Variants in CSTF3 observed in about 807,000 individuals in gnomAD.
CSTF3 encodes the protein CF-1 77 kDa subunit.
CSTF3 carries 29 observed loss-of-function variants against 105.8 expected under a neutral mutation model. That is an observed-to-expected ratio of 0.27 (90% CI 0.20 to 0.37). CSTF3 has a LOEUF of 0.37. CSTF3 is among the 10% of genes least tolerant of loss of function. The probability of loss-of-function intolerance (pLI) is 1.00; values close to 1 mark genes in which losing one functional copy is unlikely to be tolerated. For missense variants in CSTF3, 357 were observed against 879.3 expected (o/e 0.41, Z 7.51); for synonymous variants, 252 against 281.9 (o/e 0.89, Z 1.06).
chr11:33,097,769 C>T (rs1392601789), intron 13 of CSTF3, among the ~76,000 whole-genome samples: 1 of 152,150 alleles, frequency 6.6e-6, no homozygotes, highest in Non-Finnish European at 1.5e-5. Context: ...AAACTATGAG[C>T]CATTTTATAC....
At chr11:33,160,351 A>G (rs919798986) in intron 1 of CSTF3, among the ~76,000 whole-genome samples, 3 of 152,198 alleles carry the variant, frequency 2.0e-5, no homozygotes, top group Non-Finnish European at 4.4e-5. Flanking sequence ...CTTCCACGTT[A>G]TAAGCTAGGG....
intron 1 of CSTF3, among the ~76,000 whole-genome samples, chr11:33,152,439 A>G (rs1849797077): frequency 6.6e-6 from 1 of 152,060 alleles, no homozygotes; most frequent in African/African-American, 2.4e-5. Context: ...GGGTTTTTTC[A>G]TTAATGAATT....
chr11:33,158,602 C>A lies in CSTF3; in HGVS notation c.27+2697G>T, dbSNP rs566427240. On this transcript the variant is annotated intron_variant, in intron 1 of 20. Transcript: ENST00000323959. ...ACAGATTATTAACTGCAAAGGGGAA[C>A]ATGACCCTTAACAATGAGATCACCC... is the stretch of plus-strand genomic sequence containing the variant. Among the ~76,000 whole-genome samples the A allele has an allele frequency of 5.3e-5, 8 of 152,250 alleles. No individual in the cohort carries two copies. In the East Asian group the frequency reaches 1.5e-3, roughly 29 times the overall value.
At chr11:33,147,794 G>C (rs1225543088) in intron 1 of CSTF3, among the ~76,000 whole-genome samples, 3 of 152,098 alleles carry the variant, frequency 2.0e-5, no homozygotes, top group Admixed American at 6.5e-5. Context: ...GATAGACAAA[G>C]AATCCTACAA....
chr11:33,119,461 C>A (rs1855465138), intron 3 of CSTF3, among the ~76,000 whole-genome samples: 3 of 146,128 alleles, frequency 2.1e-5, no homozygotes, highest in Non-Finnish European at 3.0e-5. Flanking sequence ...TTCATTTAAC[C>A]TTTCTTAAAA....
chr11:33,113,664 T>A (rs2133782381), intron 3 of CSTF3, among the ~76,000 whole-genome samples: 1 of 152,310 alleles, frequency 6.6e-6, no homozygotes, highest in African/African-American at 2.4e-5. Flanking sequence ...AATAATAAAT[T>A]TTTTAAATCT....
In CSTF3 at chr11:33,084,601, A is replaced by G. The variant is rs1855083187; in HGVS notation, c.*486T>C. 1 of 156,452 alleles carries G rather than the reference A, an allele frequency of 6.4e-6. No homozygotes were observed. The highest frequency in any genetic ancestry group is 2.4e-5 in the African/African-American group (1 of 41,476). 9.7% of individuals were successfully genotyped at this position (156,452 alleles called of 1,614,324 possible). A position where few individuals can be genotyped will look rare whatever the true frequency, so the allele number is the denominator to read the frequency against. On this transcript the variant is annotated 3_prime_UTR_variant, in exon 21 of 21. Transcript: ENST00000323959. ...AAGCATGATGTTTCTGAATCCTTTT[A>G]TTTTTTAAAGGACTTTTAAAATTTG...
chr11:33,137,714 G>C (rs1160396678), intron 3 of CSTF3, among the ~76,000 whole-genome samples: 1 of 151,540 alleles, frequency 6.6e-6, no homozygotes, highest in Non-Finnish European at 1.5e-5. Context: ...CACAGACATG[G>C]ACCAACATTT....
At chr11:33,095,692 G>T (rs1418651650) in intron 15 of CSTF3, among the ~76,000 whole-genome samples, 1 of 151,216 alleles carries the variant, frequency 6.6e-6, no homozygotes, top group Non-Finnish European at 1.5e-5. Flanking sequence ...GAGGTGGCGG[G>T]CGCCTGTAGT....
chr11:33,148,861 T>TG (rs369490967), intron 1 of CSTF3, among the ~76,000 whole-genome samples: 7 of 19,200 alleles, frequency 3.6e-4, no homozygotes, highest in African/African-American at 5.4e-4. Context: ...TGTTGCTGTG[T>TG]TTTTTTTTTT....
At chr11:33,097,117 T>C (rs962887210) in intron 13 of CSTF3, 139 bp from the exon 14 acceptor site, 4 of 612,536 alleles carry the variant, frequency 6.5e-6, no homozygotes, top group African/African-American at 3.8e-5. Flanking sequence ...AATTTTTTTC[T>C]GGTATTAGAG....
chr11:33,104,180 A>C (rs1855305548), intron 8 of CSTF3, among the ~76,000 whole-genome samples: 1 of 152,182 alleles, frequency 6.6e-6, no homozygotes, highest in Admixed American at 6.5e-5. Context: ...AAAGACAAAC[A>C]GAAGTAGCAA....
chr11:33,090,459 G>T, intron 17 of CSTF3, 73 bp downstream of exon 17: 1 of 844,560 alleles, frequency 1.2e-6, no homozygotes, highest in Non-Finnish European at 1.7e-6. Flanking sequence ...AATTTAGAGT[G>T]CAGGTTATCA....
At chr11:33,090,929 C>T (rs757727068) in intron 16 of CSTF3, among the ~76,000 whole-genome samples, 2 of 152,036 alleles carry the variant, frequency 1.3e-5, no homozygotes, top group Admixed American at 6.6e-5. Context: ...AATATTTTGC[C>T]ATATTTGCTT....
At chr11:33,086,053 A>G (rs1227221270) in intron 18 of CSTF3, 64 bp from the exon 19 acceptor site, 2 of 1,000,286 alleles carry the variant, frequency 2.0e-6, no homozygotes, top group East Asian at 5.6e-5. Context: ...AGCTAAAATC[A>G]AGTGACTTGC....
intron 3 of CSTF3, among the ~76,000 whole-genome samples, chr11:33,127,561 G>A (rs2133790654): frequency 6.6e-6 from 1 of 151,938 alleles, no homozygotes; most frequent in African/African-American, 2.4e-5. Flanking sequence ...CTAATTTTTG[G>A]ATATTACAAA....
At chr11:33,093,172 G>A (rs1565002272) in intron 15 of CSTF3, among the ~76,000 whole-genome samples, 1 of 152,068 alleles carries the variant, frequency 6.6e-6, no homozygotes, top group African/African-American at 2.4e-5. Flanking sequence ...ATGTCCATAA[G>A]CAAAATAAAA....
intron 1 of CSTF3, among the ~76,000 whole-genome samples, chr11:33,152,251 CTA>C (rs1849794328): frequency 6.6e-6 from 1 of 152,070 alleles, no homozygotes; most frequent in African/African-American, 2.4e-5. Flanking sequence ...CAGAGCGAGA[CTA>C]TGTCTTGAAA....
chr11:33,151,637 T>G (rs911684263), intron 1 of CSTF3, among the ~76,000 whole-genome samples: 35 of 152,230 alleles, frequency 2.3e-4, no homozygotes, highest in Non-Finnish European at 4.3e-4. Flanking sequence ...TTGGCTATTA[T>G]GAATAATGTT....
Sources: gnomAD v4.1 joint callset for allele counts (sites outside exome capture counted in the v4.1 genomes callset) on GRCh38, gnomAD v4.1.1 for gene constraint, MANE v1.5 for transcripts, NCBI Gene and HGNC (gene_info 2026-07-23, HGNC 2026-07-21) for gene names.